The following PIBF1 variants were observed in gnomAD, a reference collection of about 807,000 sequenced individuals.
PIBF1 encodes the protein progesterone immunomodulatory binding factor 1.
PIBF1 carries 90 observed loss-of-function variants against 112.5 expected under a neutral mutation model. That is an observed-to-expected ratio of 0.80 (90% CI 0.67 to 0.95). PIBF1 has a LOEUF of 0.95. Ranked by LOEUF, PIBF1 falls within the 40% of genes least tolerant of loss-of-function variation. The pLI, the probability that PIBF1 is intolerant of heterozygous loss-of-function variation, is 0.00. For synonymous variants in PIBF1, 301 were observed against 288.6 expected (o/e 1.04, Z -0.44); for missense variants, 915 against 852.3 (o/e 1.07, Z -0.92).
rs1342426606 is a variant in PIBF1, at chr13:72,931,740, A to ATATATATATATATG, written c.1833+476_1833+477insATATATATATGTAT. 3.9e-3 allele frequency among the ~76,000 whole-genome samples: 561 copies of ATATATATATATATG among 143,588 alleles called. 4 individuals are homozygous for ATATATATATATATG. The highest frequency in any genetic ancestry group is 7.0e-3 in the Non-Finnish European group (457 of 65,652). The allele number at this position is 143,588 out of a possible 152,430, so 94.2% of individuals were successfully genotyped here. On this transcript the variant is annotated intron_variant, in intron 14 of 17. Transcript: ENST00000326291. ...TACGTATATATATATATATATATATATATGTATGCATTTTACATAGCATTT... is the reference window on the plus strand; with the variant it reads ...TACGTATATATATATATATATATATATATATATATATATGTATGTATGCATTTTACATAGCATTT...
At chr13:72,884,761 T>C (rs2138517124) in intron 10 of PIBF1, 1 of 152,288 alleles carries the variant, frequency 6.6e-6, no homozygotes, top group East Asian at 1.9e-4. Context: ...AATATGTGTT[T>C]ACTGAGTGCC....
At chr13:72,990,983 C>A (rs146556353) in intron 16 of PIBF1, among the ~76,000 whole-genome samples, 1 of 152,218 alleles carries the variant, frequency 6.6e-6, no homozygotes, top group Non-Finnish European at 1.5e-5. Context: ...TGCGTTGTTA[C>A]TCCCATATGA....
At chr13:72,989,089 T>G (rs1387272959) in intron 16 of PIBF1, among the ~76,000 whole-genome samples, 2 of 152,108 alleles carry the variant, frequency 1.3e-5, no homozygotes, top group Non-Finnish European at 2.9e-5. Flanking sequence ...TTAATATATA[T>G]CAGGGGGAAA....
intron 16 of PIBF1, among the ~76,000 whole-genome samples, chr13:72,983,913 T>C (rs546740790): frequency 6.6e-6 from 1 of 152,222 alleles, no homozygotes; most frequent in African/African-American, 2.4e-5. Flanking sequence ...AATATACTTG[T>C]TTCTCAGATT....
rs114490292 is a variant in PIBF1 at position 73,010,210 on chromosome 13, T to G, written c.2224-5659T>G. Among the ~76,000 whole-genome samples, 1,211 of 149,668 alleles carry G rather than the reference T, an allele frequency of 8.1e-3. 14 individuals carry two copies. The highest frequency in any genetic ancestry group is 0.028 in the African/African-American group (1,126 of 40,736). The stretch of plus-strand genomic sequence containing the variant: ...AACTTACCCCCACTATGGCCAATAC[T>G]CTAATATTTTCTATGCTAGTTTTTT... On this transcript the variant is annotated intron_variant, in intron 17 of 17. Transcript: ENST00000326291.
intron 9 of PIBF1, chr13:72,836,086 G>A (rs1245204385): frequency 3.9e-5 from 17 of 440,808 alleles, no homozygotes; most frequent in African/African-American, 2.4e-4. Context: ...GCGAAAGTGC[G>A]AGACACCATC....
intron 10 of PIBF1, among the ~76,000 whole-genome samples, chr13:72,875,635 A>G (rs1274569502): frequency 6.6e-6 from 1 of 152,174 alleles, no homozygotes; most frequent in Non-Finnish European, 1.5e-5. Flanking sequence ...GGCCTTTCTA[A>G]TACATGTATA....
chr13:72,824,632 T>C (rs955946897), intron 6 of PIBF1, among the ~76,000 whole-genome samples: 4 of 152,228 alleles, frequency 2.6e-5, no homozygotes, highest in African/African-American at 9.6e-5. Flanking sequence ...AATGACCATT[T>C]TGTAGCCGCA....
At chr13:72,899,777 AT>A (rs536228109) in intron 11 of PIBF1, among the ~76,000 whole-genome samples, 292 of 152,322 alleles carry the variant, frequency 1.9e-3, no homozygotes, top group Middle Eastern at 3.4e-3. Flanking sequence ...AGAGAAAGAA[AT>A]AAAGGGCATC....
chr13:73,014,685 C>T (rs560508911), intron 17 of PIBF1, among the ~76,000 whole-genome samples: 1 of 151,928 alleles, frequency 6.6e-6, no homozygotes, highest in South Asian at 2.1e-4. Flanking sequence ...TGGGATATCT[C>T]TGTACCTTCC....
At chr13:72,946,942 G>T (rs1051972007) in intron 14 of PIBF1, among the ~76,000 whole-genome samples, 1 of 152,212 alleles carries the variant, frequency 6.6e-6, no homozygotes, top group African/African-American at 2.4e-5. Flanking sequence ...TAGATCTACA[G>T]TTCTGGGGTC....
chr13:73,005,762 A>G (rs1051373100), intron 17 of PIBF1, among the ~76,000 whole-genome samples: 1 of 152,112 alleles, frequency 6.6e-6, no homozygotes, highest in African/African-American at 2.4e-5. Flanking sequence ...ACACACATGG[A>G]AAATTATAAT....
At chr13:72,913,715 T>C (rs2040977934) in intron 12 of PIBF1, among the ~76,000 whole-genome samples, 1 of 151,674 alleles carries the variant, frequency 6.6e-6, no homozygotes, top group Non-Finnish European at 1.5e-5. Context: ...GTGACTGTGT[T>C]CACGCCACTG....
intron 10 of PIBF1, among the ~76,000 whole-genome samples, chr13:72,873,361 T>C (rs976795478): frequency 6.6e-6 from 1 of 152,144 alleles, no homozygotes; most frequent in Non-Finnish European, 1.5e-5. Flanking sequence ...AAAGGTTGCA[T>C]AAATAGGACA....
chr13:72,814,103 CTA>C (rs1254331974), intron 5 of PIBF1, among the ~76,000 whole-genome samples: 5 of 152,126 alleles, frequency 3.3e-5, no homozygotes, highest in African/African-American at 1.2e-4. Flanking sequence ...AAGCCCAGCT[CTA>C]TTTGTTTATA....
chr13:72,946,920 G>A (rs914882759), intron 14 of PIBF1, among the ~76,000 whole-genome samples: 1 of 152,212 alleles, frequency 6.6e-6, no homozygotes, highest in African/African-American at 2.4e-5. Context: ...GGCAGACAGT[G>A]CAAGGTGTTA....
chr13:72,844,758 C>CACACACACGGATGAAGTCTTACTGTTT lies in PIBF1; in HGVS notation c.1224-9291_1224-9290insGGATGAAGTCTTACTGTTTACACACAC, dbSNP rs1566348395. Among the ~76,000 whole-genome samples, 117 of 125,782 alleles carry CACACACACGGATGAAGTCTTACTGTTT rather than the reference C, an allele frequency of 9.3e-4. 5 individuals are homozygous for CACACACACGGATGAAGTCTTACTGTTT. The highest frequency in any genetic ancestry group is 2.0e-3 in the South Asian group (7 of 3,494). 82.5% of individuals were successfully genotyped at this position (125,782 alleles called of 152,430 possible). The stretch of plus-strand genomic sequence containing the variant: ...ACACACACACACACACACACACACA[C>CACACACACGGATGAAGTCTTACTGTTT]ACACACACACACACACACACACACA... On this transcript the variant is annotated intron_variant, in intron 9 of 17. Transcript: ENST00000326291.
At chr13:72,957,434 G>A (rs1035400398) in intron 14 of PIBF1, among the ~76,000 whole-genome samples, 3 of 152,018 alleles carry the variant, frequency 2.0e-5, no homozygotes, top group Admixed American at 6.6e-5. Context: ...AACATCATAC[G>A]CTCTCACTTA....
chr13:72,834,972 G>A (rs770246319), intron 8 of PIBF1, among the ~76,000 whole-genome samples: 8 of 152,074 alleles, frequency 5.3e-5, no homozygotes, highest in Non-Finnish European at 1.0e-4. Flanking sequence ...TGTTTTGGAA[G>A]ATGAATAATT....
Sources: allele counts gnomAD v4.1 joint callset (sites outside exome capture counted in the v4.1 genomes callset), GRCh38; gene constraint gnomAD v4.1.1; transcripts MANE v1.5; gene names NCBI Gene and HGNC (gene_info 2026-07-23, HGNC 2026-07-21).